CAMK1D: variants seen among roughly 807,000 people sequenced by gnomAD.
CAMK1D encodes the protein calcium/calmodulin-dependent protein kinase type 1D.
In CAMK1D, 9 loss-of-function variants were observed where a neutral mutation model predicts 47.7. The ratio of observed to expected loss-of-function variants is 0.19; its 90% CI spans 0.11 to 0.33. CAMK1D has a LOEUF of 0.33. Ranked by LOEUF, CAMK1D falls within the 10% of genes least tolerant of loss-of-function variation. The pLI is 1.00. For synonymous variants in CAMK1D, 184 were observed against 184.9 expected (o/e 0.99, Z 0.04); for missense variants, 291 against 488.7 (o/e 0.60, Z 3.81).
At chr10:12,470,675 C>T (rs1349408014) in intron 1 of CAMK1D, among the ~76,000 whole-genome samples, 2 of 152,124 alleles carry the variant, frequency 1.3e-5, no homozygotes, top group Non-Finnish European at 2.9e-5. Flanking sequence ...TGCCACAACA[C>T]CCGGCTAATT....
Position 12,738,366 on chromosome 10 carries a change from T to TTG in CAMK1D, c.300-22581_300-22580dup, listed in dbSNP as rs1444452807. 2.0e-5 allele frequency among the ~76,000 whole-genome samples: 3 copies of TTG among 152,166 alleles called. No homozygotes were observed. The East Asian group carries it at 5.8e-4, about 29-fold the overall frequency. On this transcript the variant is annotated intron_variant, in intron 3 of 10. Transcript: ENST00000619168. ...AGCGAATGGATTCTCTGTTAGACTG[T>TTG]TGGTGGGAGTGAAGGACACGTGAGC... is the stretch of plus-strand genomic sequence containing the variant.
In CAMK1D at chr10:12,590,872, A is replaced by G. The variant is rs76760271; in HGVS notation, c.224+37516A>G. ...AAGGTGGAATTGCTGGTGACACATG[A>G]ACCAGCCACCCACTTACTTAGACAA... On this transcript the variant is annotated intron_variant, in intron 2 of 10. Transcript: ENST00000619168. 6.2e-3 allele frequency among the ~76,000 whole-genome samples: 945 copies of G among 152,352 alleles called. 9 individuals carry two copies. Among genetic ancestry groups the G allele is most frequent in the African/African-American group, 0.021 (867 of 41,586 alleles).
intron 2 of CAMK1D, among the ~76,000 whole-genome samples, chr10:12,587,454 G>A (rs1837852324): frequency 6.6e-6 from 1 of 151,892 alleles, no homozygotes; most frequent in African/African-American, 2.4e-5. Flanking sequence ...GATGACAGCC[G>A]GGGCTTCTGG....
In CAMK1D at chr10:12,349,811, C is replaced by G; in HGVS notation, c.-8C>G. The G allele has an allele frequency of 7.0e-7, 1 of 1,426,420 alleles. No individual in the cohort carries two copies. The highest frequency in any genetic ancestry group is 1.5e-5 in the African/African-American group (1 of 67,216). 88.4% of individuals were successfully genotyped at this position (1,426,420 alleles called of 1,614,324 possible). A position where few individuals can be genotyped will look rare whatever the true frequency, so the allele number is the denominator to read the frequency against. On this transcript the variant is annotated 5_prime_UTR_variant, in exon 1 of 11. Coordinates refer to ENST00000619168, the MANE Select transcript of CAMK1D (RefSeq NM_153498.4). ...CCCGGCCGCTCCTCCGCGCCGCGCT[C>G]GTCGGCCATGGCCCGGGAGAACGGC...
At chr10:12,587,626 A>C (rs1315568546) in intron 2 of CAMK1D, among the ~76,000 whole-genome samples, 3 of 151,708 alleles carry the variant, frequency 2.0e-5, no homozygotes, top group Non-Finnish European at 2.9e-5. Context: ...ACTAACAAAC[A>C]CAGCTGGAAG....
chr10:12,492,875 G>A (rs1388030571), intron 1 of CAMK1D, among the ~76,000 whole-genome samples: 1 of 152,098 alleles, frequency 6.6e-6, no homozygotes, highest in East Asian at 1.9e-4. Flanking sequence ...ACTGTCTGTC[G>A]TTACTTTCTT....
At chr10:12,513,337 G>A (rs1237309990) in intron 1 of CAMK1D, among the ~76,000 whole-genome samples, 1 of 152,148 alleles carries the variant, frequency 6.6e-6, no homozygotes, top group Non-Finnish European at 1.5e-5. Context: ...GGTCTTTGGG[G>A]AGCAAAGCAA....
At chr10:12,680,634 A>G (rs1372443837) in intron 3 of CAMK1D, among the ~76,000 whole-genome samples, 2 of 152,120 alleles carry the variant, frequency 1.3e-5, no homozygotes, top group African/African-American at 2.4e-5. Flanking sequence ...GGCAGCCCCA[A>G]TGAATGTATG....
At chr10:12,758,926 G>A (rs1836361927) in intron 3 of CAMK1D, among the ~76,000 whole-genome samples, 1 of 152,212 alleles carries the variant, frequency 6.6e-6, no homozygotes, top group Non-Finnish European at 1.5e-5. Context: ...GGGCCTATGT[G>A]GAAGGGCATA....
chr10:12,808,018 A>G (rs1381608674), intron 6 of CAMK1D, among the ~76,000 whole-genome samples: 1 of 152,234 alleles, frequency 6.6e-6, no homozygotes, highest in East Asian at 1.9e-4. Flanking sequence ...AAACCAGCTC[A>G]CATGCCGCAC....
intron 3 of CAMK1D, among the ~76,000 whole-genome samples, chr10:12,759,431 A>G (rs558935052): frequency 6.6e-6 from 1 of 152,330 alleles, no homozygotes; most frequent in Non-Finnish European, 1.5e-5. Context: ...CTTCTGGTAC[A>G]TTCTCGAGCT....
intron 1 of CAMK1D, among the ~76,000 whole-genome samples, chr10:12,463,670 C>A (rs978131457): frequency 2.0e-5 from 3 of 151,960 alleles, no homozygotes; most frequent in Non-Finnish European, 2.9e-5. Flanking sequence ...TTTTTTCTCA[C>A]CTCTCGGTGA....
At position 12,717,731 on chromosome 10, in the gene CAMK1D, G is replaced by GAAA. The variant is rs11289567; in HGVS notation, c.300-43203_300-43201dup. Among the ~76,000 whole-genome samples, 9 of 121,182 alleles carry GAAA rather than the reference G, an allele frequency of 7.4e-5. 1 individual carries two copies. The highest frequency in any genetic ancestry group is 3.1e-4 in the African/African-American group (9 of 28,710). The allele number at this position is 121,182 out of a possible 152,430, so 79.5% of individuals were successfully genotyped here. ...AGAGGCTTTGTCTCTACAAAAAATT[G>GAAA]AAAAAAAAAAAAAAAAGCTGGATGT... On this transcript the variant is annotated intron_variant, in intron 3 of 10. Transcript: ENST00000619168.
intron 3 of CAMK1D, among the ~76,000 whole-genome samples, chr10:12,667,286 A>G (rs532834213): frequency 1.3e-5 from 2 of 152,348 alleles, no homozygotes; most frequent in South Asian, 2.1e-4. Flanking sequence ...ATAACAGCAC[A>G]TGTGACTGAA....
chr10:12,440,921 C>A (rs1311119214), intron 1 of CAMK1D, among the ~76,000 whole-genome samples: 1 of 152,214 alleles, frequency 6.6e-6, no homozygotes, highest in Non-Finnish European at 1.5e-5. Flanking sequence ...CTTCTCTAAC[C>A]CTTTTCCCCT....
chr10:12,814,826 A>T (rs1027922956), intron 7 of CAMK1D, among the ~76,000 whole-genome samples: 1 of 152,202 alleles, frequency 6.6e-6, no homozygotes, highest in Non-Finnish European at 1.5e-5. Flanking sequence ...CATGAGCTAC[A>T]TATTTGCGTT....
intron 2 of CAMK1D, among the ~76,000 whole-genome samples, chr10:12,559,698 C>T (rs917505069): frequency 6.6e-6 from 1 of 152,150 alleles, no homozygotes; most frequent in Non-Finnish European, 1.5e-5. Flanking sequence ...GAGGAGCAGG[C>T]ACCAGCCACT....
chr10:12,672,651 G>A (rs181390597), intron 3 of CAMK1D, among the ~76,000 whole-genome samples: 1 of 152,148 alleles, frequency 6.6e-6, no homozygotes, highest in East Asian at 1.9e-4. Context: ...GATTACAGAC[G>A]TGAGCCACTG....
At chr10:12,493,235 T>C (rs1284135158) in intron 1 of CAMK1D, among the ~76,000 whole-genome samples, 1 of 152,076 alleles carries the variant, frequency 6.6e-6, no homozygotes, top group African/African-American at 2.4e-5. Context: ...AGCGAATGAT[T>C]TCTATAAGGG....
Sources: allele counts gnomAD v4.1 joint callset (sites outside exome capture counted in the v4.1 genomes callset), GRCh38; gene constraint gnomAD v4.1.1; transcripts MANE v1.5; gene names NCBI Gene and HGNC (gene_info 2026-07-23, HGNC 2026-07-21).